ZFAND3: variants seen among roughly 807,000 people sequenced by gnomAD.
ZFAND3 encodes zinc finger AN1-type containing 3.
Under a neutral mutation model 29.6 loss-of-function variants are expected in ZFAND3, and 10 were observed. The observed-to-expected ratio is 0.34, with a 90% CI of 0.21 to 0.57. ZFAND3 has a LOEUF of 0.57. ZFAND3 is among the 20% of genes least tolerant of loss of function. The probability of loss-of-function intolerance (pLI) is 0.86; values close to 1 mark genes in which losing one functional copy is unlikely to be tolerated. For missense variants in ZFAND3, 230 were observed against 304.5 expected (o/e 0.76, Z 1.82); for synonymous variants, 128 against 112.6 (o/e 1.14, Z -0.87).
Position 38,153,653 on chromosome 6 carries a change from C to G in ZFAND3, c.*1264C>G. On this transcript the variant is annotated 3_prime_UTR_variant, in exon 6 of 6. Transcript: ENST00000287218. The stretch of plus-strand genomic sequence containing the variant: ...TCACAGAGGATTTCAGCAGCTGCAA[C>G]TGCGCACGCCAGGTGGGGAAGGGTG... The G allele has an allele frequency of 1.0e-6, 1 of 985,380 alleles. No individual in the cohort carries two copies. Among genetic ancestry groups the G allele is most frequent in the Non-Finnish European group, 1.2e-6 (1 of 829,934 alleles). The allele number at this position is 985,380 out of a possible 1,614,324, so 61.0% of individuals were successfully genotyped here. A position where few individuals can be genotyped will look rare whatever the true frequency, so the allele number is the denominator to read the frequency against.
chr6:38,045,304 G>T (rs1431302972), intron 2 of ZFAND3, among the ~76,000 whole-genome samples: 2 of 151,834 alleles, frequency 1.3e-5, no homozygotes, highest in African/African-American at 4.8e-5. Flanking sequence ...TGCCAGGCTG[G>T]TCTCAAACTC....
At chr6:37,923,764 T>C (rs528052464) in intron 1 of ZFAND3, among the ~76,000 whole-genome samples, 50 of 152,344 alleles carry the variant, frequency 3.3e-4, no homozygotes, top group African/African-American at 1.2e-3. Flanking sequence ...ATGGGACTTC[T>C]GTTGTGTATG....
rs981703000 is a variant in ZFAND3, at chr6:37,982,129, A to G, written c.112+52130A>G. Among the ~76,000 whole-genome samples, 5 of 152,148 alleles carry G rather than the reference A, an allele frequency of 3.3e-5. No individual in the cohort carries two copies. In the East Asian group the frequency reaches 7.7e-4, roughly 23 times the overall value. ...GTTTGTCTCATGTGAGCAGAGGGAC[A>G]ACTTTGAGTTCTGTCTTCTGTCTGT... On this transcript the variant is annotated intron_variant, in intron 2 of 5. Transcript: ENST00000287218.
chr6:37,917,546 T>C (rs1761282956), intron 1 of ZFAND3, among the ~76,000 whole-genome samples: 1 of 152,242 alleles, frequency 6.6e-6, no homozygotes, highest in African/African-American at 2.4e-5. Context: ...TAAGTCTTTT[T>C]GAGGCAGAGA....
At chr6:38,046,094 A>G (rs1763899638) in intron 2 of ZFAND3, among the ~76,000 whole-genome samples, 1 of 152,226 alleles carries the variant, frequency 6.6e-6, no homozygotes, top group South Asian at 2.1e-4. Context: ...ACTGAACTAT[A>G]TCTCATTTTC....
At chr6:37,949,055 G>T (rs1443465103) in intron 2 of ZFAND3, among the ~76,000 whole-genome samples, 1 of 152,070 alleles carries the variant, frequency 6.6e-6, no homozygotes, top group Admixed American at 6.5e-5. Context: ...TTCTTCAGTG[G>T]CGGTACTAAT....
chr6:38,151,448 C>G (rs941829300), intron 5 of ZFAND3, among the ~76,000 whole-genome samples: 2 of 150,704 alleles, frequency 1.3e-5, no homozygotes, highest in South Asian at 4.2e-4. Flanking sequence ...AGCTGGGGGT[C>G]CGAGTGTGGG....
At chr6:37,965,315 C>G (rs183372712) in intron 2 of ZFAND3, among the ~76,000 whole-genome samples, 1 of 152,120 alleles carries the variant, frequency 6.6e-6, no homozygotes, top group South Asian at 2.1e-4. Context: ...ATTTCCAGAC[C>G]GGCACTGATC....
intron 1 of ZFAND3, among the ~76,000 whole-genome samples, chr6:37,879,657 C>T (rs1764855924): frequency 6.6e-6 from 1 of 152,038 alleles, no homozygotes; most frequent in South Asian, 2.1e-4. Flanking sequence ...ATTCAAGTAA[C>T]TGGGATGAAT....
intron 3 of ZFAND3, among the ~76,000 whole-genome samples, chr6:38,065,613 T>C (rs1229410669): frequency 6.6e-6 from 1 of 152,232 alleles, no homozygotes; most frequent in Non-Finnish European, 1.5e-5. Flanking sequence ...TTTTTACAGA[T>C]GAGGACATTA....
At chr6:37,971,402 C>T (rs1267547393) in intron 2 of ZFAND3, among the ~76,000 whole-genome samples, 2 of 152,202 alleles carry the variant, frequency 1.3e-5, no homozygotes, top group East Asian at 1.9e-4. Context: ...ATTTGACTGC[C>T]TTCTGAATAG....
chr6:37,821,748 T>C (rs2127362904), intron 1 of ZFAND3, among the ~76,000 whole-genome samples: 1 of 152,356 alleles, frequency 6.6e-6, no homozygotes, highest in Admixed American at 6.5e-5. Context: ...TTTATGTCCT[T>C]CGGACTGTTA....
chr6:38,095,872 C>G (rs1764967109), intron 4 of ZFAND3, among the ~76,000 whole-genome samples: 1 of 151,744 alleles, frequency 6.6e-6, no homozygotes, highest in South Asian at 2.1e-4. Flanking sequence ...TGTCTACAAT[C>G]AATACAGAAA....
At chr6:38,041,356 G>GT (rs1001545277) in intron 2 of ZFAND3, among the ~76,000 whole-genome samples, 14 of 151,674 alleles carry the variant, frequency 9.2e-5, no homozygotes, top group South Asian at 4.2e-4. Context: ...TCACTTACTA[G>GT]TTTTTTTTAG....
intron 2 of ZFAND3, among the ~76,000 whole-genome samples, chr6:38,051,375 C>T (rs1764022230): frequency 6.6e-6 from 1 of 152,162 alleles, no homozygotes; most frequent in African/African-American, 2.4e-5. Context: ...AAATACTTTT[C>T]TACTTTTCTA....
intron 2 of ZFAND3, among the ~76,000 whole-genome samples, chr6:37,972,938 A>G (rs1561952074): frequency 1.3e-5 from 2 of 152,206 alleles, no homozygotes; most frequent in South Asian, 2.1e-4. Context: ...GCAATTTGCC[A>G]ACATTTATAT....
At chr6:38,051,848 A>G (rs1401113489) in intron 2 of ZFAND3, among the ~76,000 whole-genome samples, 2 of 152,014 alleles carry the variant, frequency 1.3e-5, no homozygotes, top group Non-Finnish European at 2.9e-5. Flanking sequence ...GTACTAATGG[A>G]TTGTTAGATA....
chr6:37,830,469 C>T (rs1763840096), intron 1 of ZFAND3, among the ~76,000 whole-genome samples: 1 of 152,140 alleles, frequency 6.6e-6, no homozygotes, highest in Non-Finnish European at 1.5e-5. Flanking sequence ...TGGGACCTTA[C>T]AGGAAAGTGC....
intron 1 of ZFAND3, among the ~76,000 whole-genome samples, chr6:37,851,665 A>AT (rs1286260935): frequency 3.9e-5 from 6 of 152,210 alleles, no homozygotes; most frequent in Non-Finnish European, 8.8e-5. Flanking sequence ...TATTTTTAAA[A>AT]TTTTTGTTCA....
Sources: gnomAD v4.1 joint callset for allele counts (sites outside exome capture counted in the v4.1 genomes callset) on GRCh38, gnomAD v4.1.1 for gene constraint, MANE v1.5 for transcripts, NCBI Gene and HGNC (gene_info 2026-07-23, HGNC 2026-07-21) for gene names.